The following NELFB variants were observed in gnomAD, a reference collection of about 807,000 sequenced individuals.
NELFB encodes the protein negative elongation factor complex member B.
In NELFB, 34 loss-of-function variants were observed where a neutral mutation model predicts 60.2. That is an observed-to-expected ratio of 0.56 (90% confidence interval 0.43 to 0.75). The LOEUF is 0.75. Ranked by LOEUF, NELFB falls within the 30% of genes least tolerant of loss-of-function variation. NELFB has a pLI of 0.00. For synonymous variants in NELFB, 459 were observed against 382.1 expected, an observed-to-expected ratio of 1.20 and a Z score of -2.35; for missense variants, 770 against 831.6, an observed-to-expected ratio of 0.93 and a Z score of 0.91.
chr9:137,261,827 G>T (rs1830450551), intron 4 of NELFB, among the ~76,000 whole-genome samples: 1 of 151,962 alleles, frequency 6.6e-6, no homozygotes, highest in Non-Finnish European at 1.5e-5. Context: ...GCGGAGACTG[G>T]TAGTGGCCCC....
In NELFB at chr9:137,269,801, T is replaced by C. The variant is rs780947338; in HGVS notation, c.1490-2280T>C. ...GCTTCTGTTTCTTTCTCTCATTTGATTGTGGCTAGAAACAGGCTGGGAACC... is the reference window on the plus strand; with the variant it reads ...GCTTCTGTTTCTTTCTCTCATTTGACTGTGGCTAGAAACAGGCTGGGAACC... On this transcript the variant is annotated intron_variant, in intron 10 of 12. Coordinates refer to ENST00000343053, the MANE Select transcript of NELFB (RefSeq NM_015456.5). The surrounding 1 kb of genome is among the most constrained non-coding windows in gnomAD (Gnocchi z 5.3). Among the ~76,000 whole-genome samples the C allele has an allele frequency of 1.1e-4, 16 of 152,180 alleles. No individual in the cohort carries two copies. The highest frequency in any genetic ancestry group is 1.9e-4 in the Non-Finnish European group (13 of 68,040).
intron 4 of NELFB, among the ~76,000 whole-genome samples, chr9:137,260,394 A>T (rs1010579300): frequency 6.4e-5 from 8 of 125,818 alleles, no homozygotes; most frequent in Admixed American, 8.9e-5. Context: ...TTATTTTTTA[A>T]AATTTTTTTT....
intron 4 of NELFB, among the ~76,000 whole-genome samples, chr9:137,260,082 C>T (rs1005568180): frequency 1.4e-5 from 2 of 147,932 alleles, no homozygotes; most frequent in Admixed American, 6.8e-5. Flanking sequence ...CAGAATCTTG[C>T]TCTGTTGCCC....
In NELFB at chr9:137,265,895, G is replaced by A; in HGVS notation, c.1059G>A (p.Leu353=). 6.2e-7 allele frequency: 1 copy of A among 1,612,970 alleles called. No individual in the cohort carries two copies. Among genetic ancestry groups the A allele is most frequent in the Non-Finnish European group, 8.5e-7 (1 of 1,179,730 alleles). ...CTTCCAGGGACCTGTCCATGATCCT[G>A]TGTGACCCCTTCGCCATCAACACGC... Residue 353 remains leucine, a synonymous_variant, in exon 7 of 13, where the codon CTG becomes CTA. Transcript: ENST00000343053.
chr9:137,267,946 G>A (rs1205615572), intron 10 of NELFB, among the ~76,000 whole-genome samples: 1 of 152,196 alleles, frequency 6.6e-6, no homozygotes, highest in African/African-American at 2.4e-5. Flanking sequence ...CTCAGAGAAT[G>A]GAGCAAAGGG....
At chr9:137,264,974 C>T (rs1830499855) in intron 6 of NELFB, among the ~76,000 whole-genome samples, 1 of 151,312 alleles carries the variant, frequency 6.6e-6, no homozygotes, top group Non-Finnish European at 1.5e-5. Context: ...CCAGCATCCT[C>T]TGGCTGGTGT....
intron 9 of NELFB, 60 bp downstream of exon 9, chr9:137,267,146 C>T: frequency 6.2e-7 from 1 of 1,612,096 alleles, no homozygotes; most frequent in Non-Finnish European, 8.5e-7. Context: ...CACTGTTGCC[C>T]AGGGGGCTGC....
Position 137,272,956 on chromosome 9 carries a change from G to C in NELFB, c.*28G>C. ...GCCCTCCAGACCTGCTCGGGTGCTGGGGCCATGCCGAGTCGCGGCCCTGCT... is the reference window on the plus strand; with the variant it reads ...GCCCTCCAGACCTGCTCGGGTGCTGCGGCCATGCCGAGTCGCGGCCCTGCT... On this transcript the variant is annotated 3_prime_UTR_variant, in exon 13 of 13. Coordinates refer to ENST00000343053, the MANE Select transcript of NELFB (RefSeq NM_015456.5). 6.8e-7 allele frequency: 1 copy of C among 1,481,450 alleles called. No individual in the cohort carries two copies. The highest frequency in any genetic ancestry group is 2.5e-5 in the East Asian group (1 of 39,878). 91.8% of individuals were successfully genotyped at this position (1,481,450 alleles called of 1,614,324 possible). A position where few individuals can be genotyped will look rare whatever the true frequency, so the allele number is the denominator to read the frequency against.
At chr9:137,259,211 T>C (rs1830390388) in intron 4 of NELFB, among the ~76,000 whole-genome samples, 1 of 152,092 alleles carries the variant, frequency 6.6e-6, no homozygotes, top group Non-Finnish European at 1.5e-5. Context: ...AAAAAAAATA[T>C]TGAGCTATAA....
At chr9:137,264,020 T>G (rs753796554) in intron 5 of NELFB, among the ~76,000 whole-genome samples, 1 of 152,166 alleles carries the variant, frequency 6.6e-6, no homozygotes, top group Non-Finnish European at 1.5e-5. Flanking sequence ...AGGAGTCCGT[T>G]TTTAGAAAGA....
chr9:137,266,835 G>T, intron 8 of NELFB, 109 bp from the exon 9 acceptor site: 1 of 1,341,654 alleles, frequency 7.5e-7, no homozygotes. Flanking sequence ...GGGAGGGTCG[G>T]TGAGGTATCT....
At chr9:137,258,471 C>CA in intron 4 of NELFB, among the ~76,000 whole-genome samples, 1 of 144,282 alleles carries the variant, frequency 6.9e-6, no homozygotes, top group Non-Finnish European at 1.5e-5. Context: ...TTTTTTGAGA[C>CA]AGAGTCTTGC....
intron 4 of NELFB, among the ~76,000 whole-genome samples, chr9:137,257,504 CTTTTTTT>C (rs56957141): frequency 8.2e-6 from 1 of 121,316 alleles, no homozygotes; most frequent in Non-Finnish European, 1.7e-5. Flanking sequence ...TTTTCTTTTT[CTTTTTTT>C]TTTTTTTTGA....
rs566390451 is a variant in NELFB, at chr9:137,256,883, C to G, written c.570C>G (p.Ala190=). ...ACAAGGAGCTGTATCGAGCCTGCGC[C>G]GTGGAGGTGAAGCGGCAGATCTGGC... The change falls in exon 4 of 13, where the codon GCC becomes GCG. Residue 190 remains alanine, a synonymous_variant. Coordinates refer to ENST00000343053, the MANE Select transcript of NELFB (RefSeq NM_015456.5). 4 of 1,614,172 alleles carry G rather than the reference C, an allele frequency of 2.5e-6. No homozygotes were observed. Among genetic ancestry groups the G allele is most frequent in the Non-Finnish European group, 3.4e-6 (4 of 1,180,042 alleles).
chr9:137,262,971 C>A (rs1447231701), intron 4 of NELFB, 66 bp from the exon 5 acceptor site: 24 of 1,557,066 alleles, frequency 1.5e-5, no homozygotes, highest in Non-Finnish European at 2.0e-5. Context: ...TGTCGCCGGG[C>A]GTGACGTCCC....
In NELFB at chr9:137,272,631, G is replaced by A. The variant is rs771718506; in HGVS notation, c.1740+16G>A. Reference sequence around the variant, plus strand: ...TACAGGCCAGGTGGGTGCCCGGGGGGGCTGCATCTGAAGGCACCTGGTCCC... The same window carrying A: ...TACAGGCCAGGTGGGTGCCCGGGGGAGCTGCATCTGAAGGCACCTGGTCCC... On this transcript the variant is annotated intron_variant, in intron 12 of 12. Coordinates refer to ENST00000343053, the MANE Select transcript of NELFB (RefSeq NM_015456.5). 1.3e-6 allele frequency: 2 copies of A among 1,571,300 alleles called. No individual in the cohort carries two copies. The highest frequency in any genetic ancestry group is 1.9e-5 in the Admixed American group (1 of 53,666).
rs752413413 is a variant in NELFB at position 137,272,820 on chromosome 9, C to T, written c.1779C>T (p.Gly593=). Residue 593 remains glycine (G), a synonymous_variant, in exon 13 of 13, where the codon GGC becomes GGT. Transcript: ENST00000343053. ...TGAAGGAGCTTTACTCCCAGCTCGGCGAGAAGCTGGAACAGCTGGATCACC... is the reference window on the plus strand; with the variant it reads ...TGAAGGAGCTTTACTCCCAGCTCGGTGAGAAGCTGGAACAGCTGGATCACC... The T allele has an allele frequency of 1.6e-5, 25 of 1,549,874 alleles. No homozygotes were observed. The highest frequency in any genetic ancestry group is 1.3e-4 in the South Asian group (11 of 83,992).
intron 10 of NELFB, among the ~76,000 whole-genome samples, chr9:137,271,491 T>C (rs1588191176): frequency 6.6e-6 from 1 of 152,254 alleles, no homozygotes; most frequent in East Asian, 1.9e-4. Flanking sequence ...TTGGCAAATG[T>C]CTGCCAACAC....
chr9:137,257,331 T>C (rs544416751), intron 4 of NELFB, among the ~76,000 whole-genome samples: 57 of 152,314 alleles, frequency 3.7e-4, no homozygotes, highest in Non-Finnish European at 7.4e-4. Context: ...CTCCCCTACT[T>C]TTTTTCTTTT....
Sources: allele counts gnomAD v4.1 joint callset (sites outside exome capture counted in the v4.1 genomes callset), GRCh38; gene constraint gnomAD v4.1.1; non-coding constraint Gnocchi (gnomAD v3.1); transcripts MANE v1.5; gene names NCBI Gene and HGNC (gene_info 2026-07-23, HGNC 2026-07-21).